Variants in COLQ observed in about 807,000 individuals in gnomAD.
COLQ encodes collagen like tail subunit of asymmetric acetylcholinesterase, also known as acetylcholinesterase collagenic tail peptide.
In COLQ, 48 loss-of-function variants were observed where a neutral mutation model predicts 69.0. The observed-to-expected ratio is 0.70, with a 90% CI of 0.55 to 0.88. The LOEUF is 0.88. COLQ is among the 40% of genes least tolerant of loss of function. The probability of loss-of-function intolerance (pLI) is 0.00; values close to 1 mark genes in which losing one functional copy is unlikely to be tolerated. For synonymous variants in COLQ, 217 were observed against 211.2 expected, an observed-to-expected ratio of 1.03 and a Z score of -0.24; for missense variants, 618 against 594.6, an observed-to-expected ratio of 1.04 and a Z score of -0.41.
At chr3:15,515,436 G>A (rs552052085) in intron 1 of COLQ, among the ~76,000 whole-genome samples, 1 of 152,274 alleles carries the variant, frequency 6.6e-6, no homozygotes, top group East Asian at 1.9e-4. Context: ...AAAGTGCTTT[G>A]TAAAACAAGA....
intron 1 of COLQ, among the ~76,000 whole-genome samples, chr3:15,515,699 C>G (rs921378630): frequency 6.6e-6 from 1 of 151,942 alleles, no homozygotes; most frequent in Non-Finnish European, 1.5e-5. Context: ...CCAGCTACTC[C>G]GGAGACTGAG....
At chr3:15,501,909 T>G (rs2062835440) in intron 1 of COLQ, among the ~76,000 whole-genome samples, 1 of 152,230 alleles carries the variant, frequency 6.6e-6, no homozygotes, top group South Asian at 2.1e-4. Context: ...AAGGTTGATC[T>G]CTGTGTCCTA....
At chr3:15,498,325 G>A (rs1183534497) in intron 1 of COLQ, among the ~76,000 whole-genome samples, 2 of 152,134 alleles carry the variant, frequency 1.3e-5, no homozygotes, top group African/African-American at 4.8e-5. Context: ...CACTGGCTGA[G>A]CAGTTTAAAA....
chr3:15,498,778 T>C, intron 1 of COLQ: 1 of 1,503,106 alleles, frequency 6.7e-7, no homozygotes, highest in Non-Finnish European at 8.9e-7. Flanking sequence ...CTCCTGGGAG[T>C]AGCAATGGGT....
chr3:15,467,046 T>A (rs183859041), intron 11 of COLQ, among the ~76,000 whole-genome samples: 1 of 152,246 alleles, frequency 6.6e-6, no homozygotes, highest in Non-Finnish European at 1.5e-5. Context: ...TAAGCTCTCA[T>A]AACTCAGCCT....
chr3:15,480,613 G>A (rs1039223062), intron 3 of COLQ, among the ~76,000 whole-genome samples: 1 of 152,122 alleles, frequency 6.6e-6, no homozygotes, highest in Non-Finnish European at 1.5e-5. Context: ...CCAAGTCTTT[G>A]CTATTGTGAA....
chr3:15,515,988 G>C (rs934719749), intron 1 of COLQ, among the ~76,000 whole-genome samples: 2 of 152,116 alleles, frequency 1.3e-5, no homozygotes, highest in African/African-American at 2.4e-5. Context: ...GTAAGGTGGG[G>C]GGTTGGCCCA....
intron 1 of COLQ, among the ~76,000 whole-genome samples, chr3:15,520,142 A>G (rs1465484948): frequency 6.6e-6 from 1 of 152,226 alleles, no homozygotes; most frequent in East Asian, 1.9e-4. Context: ...AATTAGGCCA[A>G]ATTAACTCTC....
intron 10 of COLQ, among the ~76,000 whole-genome samples, chr3:15,471,014 T>C (rs2062278127): frequency 6.6e-6 from 1 of 152,240 alleles, no homozygotes; most frequent in South Asian, 2.1e-4. Flanking sequence ...TGGAATTTTA[T>C]GTTGTGTTTT....
At chr3:15,461,759 G>A (rs1173717628) in intron 12 of COLQ, among the ~76,000 whole-genome samples, 1 of 152,082 alleles carries the variant, frequency 6.6e-6, no homozygotes, top group Non-Finnish European at 1.5e-5. Flanking sequence ...ACTAGACCAG[G>A]GGAGTTTTAA....
chr3:15,465,293 G>GACTTTATATTTTTATTTATTTATTTAT (rs2062181986), intron 12 of COLQ, among the ~76,000 whole-genome samples: 1 of 146,242 alleles, frequency 6.8e-6, no homozygotes, highest in African/African-American at 2.6e-5. Flanking sequence ...TTGAGATGGA[G>GACTTTATATTTTTATTTATTTATTTAT]TCTCGCTCTG....
intron 1 of COLQ, among the ~76,000 whole-genome samples, chr3:15,494,819 C>T (rs945725606): frequency 6.6e-6 from 1 of 152,144 alleles, no homozygotes; most frequent in African/African-American, 2.4e-5. Context: ...TCCCCAGGGT[C>T]TAGCACTGTA....
chr3:15,458,475 T>C (rs2062058396), intron 12 of COLQ, 150 bp from the exon 13 acceptor site: 4 of 871,480 alleles, frequency 4.6e-6, no homozygotes, highest in Non-Finnish European at 7.6e-6. Context: ...GAGATGCTTT[T>C]GATCCAAGAC....
At chr3:15,520,650 C>T (rs576479716) in intron 1 of COLQ, among the ~76,000 whole-genome samples, 104 of 152,346 alleles carry the variant, frequency 6.8e-4, no homozygotes, top group African/African-American at 2.1e-3. Context: ...CTGCCTCCTT[C>T]AAGCCCTCCG....
At chr3:15,480,169 G>A (rs1288544304) in intron 3 of COLQ, among the ~76,000 whole-genome samples, 1 of 152,184 alleles carries the variant, frequency 6.6e-6, no homozygotes, top group Non-Finnish European at 1.5e-5. Flanking sequence ...TGCAAAGCCT[G>A]TTTGAAATAT....
chr3:15,468,423 C>T (rs1279178308), intron 11 of COLQ, among the ~76,000 whole-genome samples: 2 of 147,194 alleles, frequency 1.4e-5, no homozygotes, highest in Non-Finnish European at 3.0e-5. Flanking sequence ...ACATCTGCCT[C>T]CTGCGTTCAA....
intron 3 of COLQ, among the ~76,000 whole-genome samples, chr3:15,484,223 T>C (rs1407745621): frequency 6.6e-6 from 1 of 152,208 alleles, no homozygotes; most frequent in Non-Finnish European, 1.5e-5. Context: ...TTAAGGTTAA[T>C]ATTGTTATGT....
chr3:15,457,732 C>A (rs1483595260), intron 13 of COLQ, among the ~76,000 whole-genome samples: 1 of 152,138 alleles, frequency 6.6e-6, no homozygotes, highest in Non-Finnish European at 1.5e-5. Context: ...CCCACCTCAG[C>A]CTCCCAAGTA....
chr3:15,464,920 A>G (rs1363148672), intron 12 of COLQ, among the ~76,000 whole-genome samples: 1 of 152,226 alleles, frequency 6.6e-6, no homozygotes, highest in African/African-American at 2.4e-5. Flanking sequence ...TCACGCCTGT[A>G]TTCCCAGCAC....
Sources: gnomAD v4.1 joint callset for allele counts (sites outside exome capture counted in the v4.1 genomes callset) on GRCh38, gnomAD v4.1.1 for gene constraint, MANE v1.5 for transcripts, NCBI Gene and HGNC (gene_info 2026-07-23, HGNC 2026-07-21) for gene names.